COL5A2: variants seen among roughly 807,000 people sequenced by gnomAD.
The protein encoded by COL5A2 is collagen alpha-2(V) chain.
In COL5A2, 23 loss-of-function variants were observed where a neutral mutation model predicts 208.2. That is an observed-to-expected ratio of 0.11 (90% CI 0.08 to 0.16). The LOEUF (loss-of-function observed/expected upper bound fraction) is 0.16. Ranked by LOEUF, COL5A2 falls within the 10% of genes least tolerant of loss-of-function variation. The probability of loss-of-function intolerance (pLI) is 1.00; values close to 1 mark genes in which losing one functional copy is unlikely to be tolerated. For missense variants in COL5A2, 1,590 were observed against 1,956.4 expected (o/e 0.81, Z 3.53); for synonymous variants, 625 against 628.5 (o/e 0.99, Z 0.08).
chr2:189,433,388 C>T, the COL5A2 span, among the ~76,000 whole-genome samples: 1 of 152,054 alleles, frequency 6.6e-6, no homozygotes, highest in Non-Finnish European at 1.5e-5. Context: ...TCAATGAATC[C>T]AGGAGCTGGT....
chr2:189,048,664 T>C (rs1459075973), intron 44 of COL5A2, among the ~76,000 whole-genome samples: 1 of 152,198 alleles, frequency 6.6e-6, no homozygotes, highest in African/African-American at 2.4e-5. Flanking sequence ...TTAAACTACT[T>C]TAAGAAATAG....
intron 1 of COL5A2, among the ~76,000 whole-genome samples, chr2:189,167,788 TAG>T (rs755961550): frequency 3.3e-5 from 5 of 151,942 alleles, no homozygotes; most frequent in Non-Finnish European, 4.4e-5. Context: ...CAGTTTTTAA[TAG>T]AGACTTCTAT....
rs1392552146 is a variant in COL5A2 at position 189,034,179 on chromosome 2, T to C, written c.4391A>G (p.Tyr1464Cys). Residue 1464 changes from tyrosine to cysteine, a missense_variant, in exon 54 of 54, where the codon TAT becomes TGT. Physicochemically the swap from Tyr to Cys is radical, Grantham distance 194 (BLOSUM62 -2). Coordinates refer to ENST00000374866, the MANE Select transcript of COL5A2 (RefSeq NM_000393.5). Reference sequence around the variant, plus strand: ...CAAGCGTGCCACATTCTGTGTTCTATATTCAAAGACAGTCTTGCCCACATT... The same window carrying C: ...CAAGCGTGCCACATTCTGTGTTCTACATTCAAAGACAGTCTTGCCCACATT... ...NGNVGKTVFEYRTQNVARLPI... is the reference protein window; with the variant it reads ...NGNVGKTVFECRTQNVARLPI... 6.2e-7 allele frequency: 1 copy of C among 1,614,016 alleles called. No homozygotes were observed. Among genetic ancestry groups the C allele is most frequent in the Non-Finnish European group, 8.5e-7 (1 of 1,179,928 alleles).
At chr2:189,427,108 C>T in the COL5A2 span, among the ~76,000 whole-genome samples, 3 of 152,246 alleles carry the variant, frequency 2.0e-5, no homozygotes, top group Non-Finnish European at 4.4e-5. Flanking sequence ...CATCACAGGC[C>T]CAGATGTCTA....
chr2:189,040,259 A>T (rs1237273311), intron 50 of COL5A2, among the ~76,000 whole-genome samples: 1 of 151,522 alleles, frequency 6.6e-6, no homozygotes, highest in Non-Finnish European at 1.5e-5. Context: ...AATAGCTAGA[A>T]TTACAGGTGT....
At chr2:189,360,450 T>C in the COL5A2 span, among the ~76,000 whole-genome samples, 1 of 152,180 alleles carries the variant, frequency 6.6e-6, no homozygotes, top group Non-Finnish European at 1.5e-5. Context: ...TTCATTTTTC[T>C]CTAGGAAATT....
chr2:189,082,284 C>T (rs766241269), intron 12 of COL5A2, among the ~76,000 whole-genome samples: 7 of 152,162 alleles, frequency 4.6e-5, no homozygotes, highest in South Asian at 2.1e-4. Context: ...AGCAATAATT[C>T]GTCTGTGACC....
chr2:189,052,854 G>A, intron 39 of COL5A2, 52 bp from the exon 40 acceptor site: 1 of 1,610,736 alleles, frequency 6.2e-7, no homozygotes, highest in Non-Finnish European at 8.5e-7. Context: ...GAGGCTGAAT[G>A]TACACTCCAA....
the COL5A2 span, among the ~76,000 whole-genome samples, chr2:189,303,224 C>T: frequency 6.6e-6 from 1 of 152,138 alleles, no homozygotes; most frequent in African/African-American, 2.4e-5. Context: ...CAGTTCAGTA[C>T]TATCCACAGT....
chr2:189,409,393 G>A, the COL5A2 span, among the ~76,000 whole-genome samples: 1 of 151,590 alleles, frequency 6.6e-6, no homozygotes, highest in South Asian at 2.1e-4. Flanking sequence ...CACTCTTAAT[G>A]CTAAAGCACA....
intron 1 of COL5A2, among the ~76,000 whole-genome samples, chr2:189,148,920 A>G (rs2105784182): frequency 6.6e-6 from 1 of 152,264 alleles, no homozygotes; most frequent in African/African-American, 2.4e-5. Flanking sequence ...CAGGTGGATC[A>G]CTTGAGGTCA....
the COL5A2 span, among the ~76,000 whole-genome samples, chr2:189,252,218 T>C: frequency 1.3e-5 from 2 of 152,144 alleles, no homozygotes; most frequent in Admixed American, 6.5e-5. Context: ...TCCTCAAGGA[T>C]CTAGAACTAG....
chr2:189,056,108 T>C (rs1048749328), intron 35 of COL5A2, among the ~76,000 whole-genome samples: 24 of 152,240 alleles, frequency 1.6e-4, no homozygotes, highest in Non-Finnish European at 1.0e-4. Flanking sequence ...TACATTTCAC[T>C]ATATTTCCTT....
At chr2:189,086,633 A>G (rs770683052) in intron 9 of COL5A2, 93 bp downstream of exon 9, 34 of 989,136 alleles carry the variant, frequency 3.4e-5, no homozygotes, top group Non-Finnish European at 5.0e-5. Flanking sequence ...TTTTAAAACC[A>G]GCCAAAAGCA....
chr2:189,096,884 T>C (rs1559102533), intron 6 of COL5A2, among the ~76,000 whole-genome samples: 1 of 152,134 alleles, frequency 6.6e-6, no homozygotes, highest in East Asian at 1.9e-4. Context: ...ACCTGGGAAA[T>C]AAACTTGTTG....
the COL5A2 span, among the ~76,000 whole-genome samples, chr2:189,350,451 C>T: frequency 3.2e-4 from 49 of 152,076 alleles, no homozygotes; most frequent in African/African-American, 1.0e-3. Context: ...AATAACCACA[C>T]GAAAAATAAA....
At chr2:189,320,270 C>T in the COL5A2 span, among the ~76,000 whole-genome samples, 1 of 152,196 alleles carries the variant, frequency 6.6e-6, no homozygotes, top group African/African-American at 2.4e-5. Context: ...TCTCCTCCTC[C>T]AAAGGAATGC....
chr2:189,237,142 C>T, the COL5A2 span, among the ~76,000 whole-genome samples: 4 of 151,624 alleles, frequency 2.6e-5, no homozygotes, highest in African/African-American at 9.7e-5. Context: ...TAGAGGTTTA[C>T]TGTTTACCTC....
chr2:189,433,095 G>A, the COL5A2 span, among the ~76,000 whole-genome samples: 3 of 152,226 alleles, frequency 2.0e-5, no homozygotes, highest in South Asian at 4.1e-4. Flanking sequence ...GGTAAATAAC[G>A]AAATGAATGC....
Sources: allele counts gnomAD v4.1 joint callset (sites outside exome capture counted in the v4.1 genomes callset), GRCh38; gene constraint gnomAD v4.1.1; transcripts MANE v1.5; gene names NCBI Gene and HGNC (gene_info 2026-07-23, HGNC 2026-07-21).